ZNF618: variants seen among roughly 807,000 people sequenced by gnomAD.
ZNF618 encodes zinc finger protein 618.
A neutral mutation model predicts 103.0 loss-of-function variants in ZNF618; 34 were observed. The ratio of observed to expected loss-of-function variants is 0.33; its 90% CI spans 0.25 to 0.44. The LOEUF is 0.44. Among genes scored for constraint, ZNF618 ranks in the 20% least tolerant of loss-of-function variants. ZNF618 has a pLI of 1.00. For synonymous variants in ZNF618, 551 were observed against 542.2 expected (o/e 1.02, Z -0.23); for missense variants, 1,059 against 1,295.4 (o/e 0.82, Z 2.80).
chr9:114,004,489 C>T (rs891209914), intron 6 of ZNF618, among the ~76,000 whole-genome samples: 10 of 152,266 alleles, frequency 6.6e-5, no homozygotes, highest in Admixed American at 4.6e-4. Context: ...CCCCTGGCCT[C>T]TCCAGCAGCC....
At chr9:114,008,024 T>C (rs1841906466) in intron 7 of ZNF618, among the ~76,000 whole-genome samples, 1 of 152,194 alleles carries the variant, frequency 6.6e-6, no homozygotes, top group South Asian at 2.1e-4. Context: ...TCTTCCTCTT[T>C]TCTCCTGCCC....
intron 1 of ZNF618, among the ~76,000 whole-genome samples, chr9:113,896,358 C>T (rs181354376): frequency 1.8e-4 from 28 of 152,046 alleles, no homozygotes; most frequent in East Asian, 5.8e-4. Flanking sequence ...TGTAGCCTAA[C>T]GATTATTTAA....
chr9:113,967,275 A>G (rs956529913), intron 1 of ZNF618, among the ~76,000 whole-genome samples: 2 of 152,230 alleles, frequency 1.3e-5, no homozygotes, highest in Non-Finnish European at 2.9e-5. Context: ...TGCTTTGCAT[A>G]CAAGTTTTGA....
chr9:114,027,757 G>T (rs554121447), intron 10 of ZNF618, among the ~76,000 whole-genome samples: 1 of 152,092 alleles, frequency 6.6e-6, no homozygotes, highest in African/African-American at 2.4e-5. Flanking sequence ...CAGGTCCTTC[G>T]CTAGGCAGGT....
At chr9:114,008,593 G>T (rs764707236) in intron 9 of ZNF618, 39 bp downstream of exon 9, 23 of 1,609,278 alleles carry the variant, frequency 1.4e-5, no homozygotes, top group Non-Finnish European at 1.4e-5. Context: ...GCTGGGTGGG[G>T]GCTGGCCAAG....
intron 1 of ZNF618, among the ~76,000 whole-genome samples, chr9:113,955,934 CTCTG>C (rs1836242242): frequency 1.3e-5 from 2 of 152,028 alleles, no homozygotes; most frequent in South Asian, 4.1e-4. Flanking sequence ...GCCTCAGTTT[CTCTG>C]TCTGTAAAAG....
Position 113,988,688 on chromosome 9 carries a change from A to G in ZNF618, c.337+108A>G, listed in dbSNP as rs1839727439. On this transcript the variant is annotated intron_variant, in intron 3 of 14. Transcript: ENST00000374126. ...CTCTGCCCCCTTCCTGGCTGAGAGA[A>G]CCTTTGCTGGCTTCCCTCTGCATTC... is the stretch of plus-strand genomic sequence containing the variant. 1.5e-5 allele frequency: 21 copies of G among 1,425,952 alleles called. No individual in the cohort carries two copies. In the South Asian group the frequency reaches 2.7e-4, roughly 18 times the overall value. 88.3% of individuals were successfully genotyped at this position (1,425,952 alleles called of 1,614,324 possible).
At chr9:113,912,101 G>C (rs373709461) in intron 1 of ZNF618, among the ~76,000 whole-genome samples, 2 of 152,162 alleles carry the variant, frequency 1.3e-5, no homozygotes, top group Admixed American at 6.5e-5. Flanking sequence ...TACTGCCACC[G>C]ACCACACTTT....
intron 1 of ZNF618, among the ~76,000 whole-genome samples, chr9:113,904,819 G>A (rs188393287): frequency 2.6e-5 from 4 of 152,218 alleles, no homozygotes; most frequent in Admixed American, 6.5e-5. Context: ...TTCTTCTCAC[G>A]TTGCCCATCT....
At chr9:113,928,232 G>A (rs1295724403) in intron 1 of ZNF618, among the ~76,000 whole-genome samples, 1 of 152,140 alleles carries the variant, frequency 6.6e-6, no homozygotes, top group African/African-American at 2.4e-5. Flanking sequence ...CATTTCTGTT[G>A]CTGTGTATCT....
At chr9:113,946,003 G>A (rs987876862) in intron 1 of ZNF618, among the ~76,000 whole-genome samples, 4 of 152,190 alleles carry the variant, frequency 2.6e-5, no homozygotes, top group African/African-American at 4.8e-5. Context: ...AATGCTGGAG[G>A]CAAATTTGAG....
chr9:113,889,872 A>G (rs765202422), intron 1 of ZNF618, among the ~76,000 whole-genome samples: 1 of 152,248 alleles, frequency 6.6e-6, no homozygotes, highest in African/African-American at 2.4e-5. Context: ...TGTGCATTCA[A>G]TAATGAGCTC....
chr9:113,916,531 G>A (rs1191614425), intron 1 of ZNF618, among the ~76,000 whole-genome samples: 2 of 152,192 alleles, frequency 1.3e-5, no homozygotes, highest in Non-Finnish European at 2.9e-5. Context: ...GAGCTGTCCC[G>A]TGGAAAGGGA....
intron 1 of ZNF618, among the ~76,000 whole-genome samples, chr9:113,914,825 C>T (rs1332808038): frequency 6.6e-6 from 1 of 152,134 alleles, no homozygotes; most frequent in African/African-American, 2.4e-5. Flanking sequence ...ATTCTGATGT[C>T]CCACCTGTTT....
Position 114,051,839 on chromosome 9 carries a change from C to T in ZNF618, c.*1672C>T, listed in dbSNP as rs1284594444. On this transcript the variant is annotated 3_prime_UTR_variant, in exon 15 of 15. Transcript: ENST00000374126. ...CAAGGGTGACACCCCATTCCCTTCA[C>T]AAGAGGCGGTTCTGTCACAAATCAG... 1 of 152,320 alleles carries T rather than the reference C, an allele frequency of 6.6e-6. No homozygotes were observed. The highest frequency in any genetic ancestry group is 1.5e-5 in the Non-Finnish European group (1 of 68,108). The allele number at this position is 152,320 out of a possible 1,614,324, so 9.4% of individuals were successfully genotyped here.
In ZNF618 at chr9:114,011,614, C is replaced by G. The variant is rs145353744; in HGVS notation, c.754+3060C>G. 7.9e-4 allele frequency among the ~76,000 whole-genome samples: 120 copies of G among 152,220 alleles called. No homozygotes were observed. The Middle Eastern group carries it at 0.02, about 26-fold the overall frequency. On this transcript the variant is annotated intron_variant, in intron 9 of 14. Transcript: ENST00000374126. ...ATAAGCAGGCCAATGCCACAGAACGCGAAAAACGATTAGCCAGTAGAGGCA... is the reference window on the plus strand; with the variant it reads ...ATAAGCAGGCCAATGCCACAGAACGGGAAAAACGATTAGCCAGTAGAGGCA...
At chr9:113,894,823 T>C (rs949442748) in intron 1 of ZNF618, among the ~76,000 whole-genome samples, 2 of 152,214 alleles carry the variant, frequency 1.3e-5, no homozygotes, top group African/African-American at 4.8e-5. Flanking sequence ...GGATAATTTA[T>C]TGTATTACCT....
rs1234896843 is a variant in ZNF618, at chr9:114,032,540, G to C, written c.1085-105G>C. On this transcript the variant is annotated intron_variant, in intron 11 of 14. Transcript: ENST00000374126. ...GGTCCTGGAGCCCTCACGAGAGCTA[G>C]TTGGCCCAGCAGAGTCCTTGGCCTT... is the stretch of plus-strand genomic sequence containing the variant. 3 of 1,005,990 alleles carry C rather than the reference G, an allele frequency of 3.0e-6. No homozygotes were observed. In the Admixed American group the frequency reaches 5.2e-5, roughly 18 times the overall value. The allele number at this position is 1,005,990 out of a possible 1,614,324, so 62.3% of individuals were successfully genotyped here.
intron 2 of ZNF618, among the ~76,000 whole-genome samples, chr9:113,969,751 G>T (rs922917447): frequency 6.6e-6 from 1 of 152,208 alleles, no homozygotes; most frequent in African/African-American, 2.4e-5. Context: ...GGTGTCACAG[G>T]TAGGTACTTG....
Sources: allele counts gnomAD v4.1 joint callset (sites outside exome capture counted in the v4.1 genomes callset), GRCh38; gene constraint gnomAD v4.1.1; transcripts MANE v1.5; gene names NCBI Gene and HGNC (gene_info 2026-07-23, HGNC 2026-07-21).